Variants in TXNDC16 observed in about 807,000 individuals in gnomAD.
TXNDC16 encodes the protein thioredoxin domain containing 16.
Under a neutral mutation model 85.6 loss-of-function variants are expected in TXNDC16, and 74 were observed. The ratio of observed to expected loss-of-function variants is 0.86; its 90% CI spans 0.72 to 1.05. The LOEUF is 1.05. Among genes scored for constraint, TXNDC16 ranks in the 50% least tolerant of loss-of-function variants. TXNDC16 has a pLI of 0.00. For synonymous variants in TXNDC16, 335 were observed against 326.5 expected, an observed-to-expected ratio of 1.03 and a Z score of -0.28; for missense variants, 959 against 947.0, an observed-to-expected ratio of 1.01 and a Z score of -0.17.
chr14:52,452,434 A>T (rs2035432709), intron 18 of TXNDC16, among the ~76,000 whole-genome samples: 1 of 152,228 alleles, frequency 6.6e-6, no homozygotes, highest in Non-Finnish European at 1.5e-5. Flanking sequence ...ATCAAATTAT[A>T]CTATAGAGCT....
chr14:52,471,712 A>C (rs180798155), intron 14 of TXNDC16, among the ~76,000 whole-genome samples: 4 of 152,202 alleles, frequency 2.6e-5, no homozygotes, highest in Admixed American at 2.6e-4. Context: ...AATAAATGAC[A>C]CATGTGAAAC....
chr14:52,543,488 T>A lies in TXNDC16; in HGVS notation c.70A>T (p.Thr24Ser). 6.2e-7 allele frequency: 1 copy of A among 1,613,794 alleles called. No individual in the cohort carries two copies. Among genetic ancestry groups the A allele is most frequent in the South Asian group, 1.1e-5 (1 of 91,052 alleles). ...FVIMCIFYMP[T>S]VNSLPELSPQ... ...CTCAGTTCTGGTAAAGAGTTTACTG[T>A]TGGCATGTAAAAAATGCACATTATG... The change falls in exon 3 of 21, where the codon ACA (threonine) becomes TCA (serine). Residue 24 changes from threonine to serine, a missense_variant. Physicochemically the swap from Thr to Ser is moderately conservative, Grantham distance 58. Coordinates refer to ENST00000281741, the MANE Select transcript of TXNDC16 (RefSeq NM_020784.3).
intron 16 of TXNDC16, among the ~76,000 whole-genome samples, chr14:52,465,033 T>C (rs1165039607): frequency 6.6e-6 from 1 of 152,244 alleles, no homozygotes; most frequent in Non-Finnish European, 1.5e-5. Context: ...TCTTATTATT[T>C]ATTTTTTGTA....
chr14:52,528,833 A>G (rs916657338), intron 6 of TXNDC16, among the ~76,000 whole-genome samples: 13 of 145,686 alleles, frequency 8.9e-5, no homozygotes, highest in African/African-American at 2.2e-4. Context: ...ATACCTAGGT[A>G]TATATATATA....
intron 18 of TXNDC16, among the ~76,000 whole-genome samples, chr14:52,451,108 G>A (rs1005753020): frequency 1.3e-5 from 2 of 151,804 alleles, no homozygotes; most frequent in Non-Finnish European, 2.9e-5. Flanking sequence ...ATGGGCATTG[G>A]GGGCTTGAGG....
intron 16 of TXNDC16, among the ~76,000 whole-genome samples, chr14:52,464,653 C>T (rs2035730479): frequency 6.6e-6 from 1 of 152,072 alleles, no homozygotes; most frequent in Non-Finnish European, 1.5e-5. Flanking sequence ...TCTATAAGGC[C>T]AGGTGCGGTG....
intron 6 of TXNDC16, among the ~76,000 whole-genome samples, chr14:52,522,556 G>A (rs1399433728): frequency 6.6e-6 from 1 of 152,208 alleles, no homozygotes; most frequent in Non-Finnish European, 1.5e-5. Context: ...AGAAGCAGCG[G>A]CAGTAACAGC....
At position 52,457,179 on chromosome 14, in the gene TXNDC16, A is replaced by T. The variant is rs745925536; in HGVS notation, c.1619-5T>A. ...CTTCACTAAAATCTTCTTTTGCTAT[A>T]AATACATAGAGAAGACAAAAATCTG... On this transcript the variant is annotated splice_region_variant and splice_polypyrimidine_tract_variant and intron_variant, in intron 16 of 20. Coordinates refer to ENST00000281741, the MANE Select transcript of TXNDC16 (RefSeq NM_020784.3). 2 of 1,549,148 alleles carry T rather than the reference A, an allele frequency of 1.3e-6. No homozygotes were observed. Among genetic ancestry groups the T allele is most frequent in the Admixed American group, 3.9e-5 (2 of 51,140 alleles).
intron 16 of TXNDC16, among the ~76,000 whole-genome samples, chr14:52,467,105 A>C (rs990132935): frequency 6.6e-6 from 1 of 151,930 alleles, no homozygotes; most frequent in Non-Finnish European, 1.5e-5. Context: ...AATAGAAAAC[A>C]ATTAAACAGA....
chr14:52,466,900 A>G (rs1378589706), intron 16 of TXNDC16, among the ~76,000 whole-genome samples: 1 of 151,980 alleles, frequency 6.6e-6, no homozygotes, highest in Non-Finnish European at 1.5e-5. Flanking sequence ...AAAGAAAAAC[A>G]ATAATGAAGC....
chr14:52,538,141 T>C (rs898158472), intron 4 of TXNDC16, among the ~76,000 whole-genome samples: 8 of 152,316 alleles, frequency 5.3e-5, no homozygotes, highest in African/African-American at 1.7e-4. Flanking sequence ...CAGCCTGCAA[T>C]GGCTAAATGG....
chr14:52,470,171 T>G lies in TXNDC16; in HGVS notation c.1484A>C (p.Asn495Thr), dbSNP rs201471422. Residue 495 changes from asparagine to threonine, a missense_variant and splice_region_variant, in exon 16 of 21, where the codon AAC becomes ACC. Asn to Thr is a moderately conservative substitution (Grantham distance 65). Transcript: ENST00000281741. ...TATATTCACTGGATATGAAATCCTG[T>G]TGCTGGATAAACATATAACTATATT... ...TEDLLKFIQL[N>T]RISYPVNITS... 43 of 1,594,936 alleles carry G rather than the reference T, an allele frequency of 2.7e-5. No homozygotes were observed. Among genetic ancestry groups the G allele is most frequent in the Non-Finnish European group, 3.5e-5 (41 of 1,171,936 alleles).
intron 6 of TXNDC16, among the ~76,000 whole-genome samples, chr14:52,530,154 TAA>T (rs202013492): frequency 0.29 from 25,562 of 87,468 alleles, 3,968 homozygotes; most frequent in African/African-American, 0.41. Flanking sequence ...ATTTTATATA[TAA>T]TTTATATATA....
At chr14:52,433,604 A>T (rs1216477867) in intron 20 of TXNDC16, among the ~76,000 whole-genome samples, 1 of 152,234 alleles carries the variant, frequency 6.6e-6, no homozygotes, top group Non-Finnish European at 1.5e-5. Context: ...GTAAAGCTCA[A>T]ACAAAAATCT....
At chr14:52,460,309 A>G (rs1398639994) in intron 16 of TXNDC16, among the ~76,000 whole-genome samples, 3 of 152,212 alleles carry the variant, frequency 2.0e-5, no homozygotes, top group Admixed American at 6.5e-5. Flanking sequence ...TCCCAAGCTC[A>G]TGAATGGGAA....
At chr14:52,545,074 T>A (rs2037914859) in intron 1 of TXNDC16, among the ~76,000 whole-genome samples, 1 of 152,316 alleles carries the variant, frequency 6.6e-6, no homozygotes, top group South Asian at 2.1e-4. Flanking sequence ...CATTCATTAC[T>A]ATATATGAAA....
At chr14:52,529,113 G>A (rs984794791) in intron 6 of TXNDC16, among the ~76,000 whole-genome samples, 3 of 150,880 alleles carry the variant, frequency 2.0e-5, no homozygotes, top group African/African-American at 7.3e-5. Context: ...TTAAGAAAAT[G>A]TGGCACATAT....
At chr14:52,509,854 C>T (rs2036913345) in intron 9 of TXNDC16, among the ~76,000 whole-genome samples, 1 of 151,880 alleles carries the variant, frequency 6.6e-6, no homozygotes, top group Non-Finnish European at 1.5e-5. Context: ...GTGGCAGGTG[C>T]CTGTACTCCC....
chr14:52,498,405 TCACACACACA>T lies in TXNDC16; in HGVS notation c.757-7410_757-7401del, dbSNP rs140586435. 7.3e-3 allele frequency among the ~76,000 whole-genome samples: 1,064 copies of T among 146,300 alleles called. 13 individuals carry two copies. Among genetic ancestry groups the T allele is most frequent in the African/African-American group, 0.025 (988 of 39,952 alleles). On this transcript the variant is annotated intron_variant, in intron 9 of 20. Transcript: ENST00000281741. ...TCTTATATGTGCAAAACCCTAAAGA[TCACACACACA>T]CACACACACACACACACACACACTC... is the stretch of plus-strand genomic sequence containing the variant.
Sources: allele counts gnomAD v4.1 joint callset (sites outside exome capture counted in the v4.1 genomes callset), GRCh38; gene constraint gnomAD v4.1.1; transcripts MANE v1.5; gene names NCBI Gene and HGNC (gene_info 2026-07-23, HGNC 2026-07-21).